The following TRAF3IP3 variants were observed in gnomAD, a reference collection of about 807,000 sequenced individuals.
TRAF3IP3 encodes TRAF3-interacting JNK-activating modulator.
Under a neutral mutation model 86.5 loss-of-function variants are expected in TRAF3IP3, and 64 were observed. That is an observed-to-expected ratio of 0.74 (90% confidence interval 0.60 to 0.91). The LOEUF (loss-of-function observed/expected upper bound fraction) is 0.91. Ranked by LOEUF, TRAF3IP3 falls within the 40% of genes least tolerant of loss-of-function variation. TRAF3IP3 has a pLI of 0.00. For synonymous variants in TRAF3IP3, 220 were observed against 243.9 expected (o/e 0.90, Z 0.91); for missense variants, 579 against 642.9 (o/e 0.90, Z 1.07).
intron 8 of TRAF3IP3, among the ~76,000 whole-genome samples, chr1:209,765,604 T>C (rs1487519317): frequency 2.6e-5 from 4 of 152,084 alleles, no homozygotes; most frequent in Admixed American, 2.6e-4. Context: ...GGGGTGGAGG[T>C]TGCAGTGAGC....
Position 209,778,091 on chromosome 1 carries a change from T to C in TRAF3IP3, c.1190-20T>C. ...AAGTCTTGGGTTCCTTTATTTTGGC[T>C]TGCATTATTGCATTTTCAGATCAAC... On this transcript the variant is annotated intron_variant, in intron 12 of 16. Coordinates refer to ENST00000367025, the MANE Select transcript of TRAF3IP3 (RefSeq NM_025228.4). The C allele has an allele frequency of 6.2e-7, 1 of 1,612,888 alleles. No individual in the cohort carries two copies. The highest frequency in any genetic ancestry group is 8.5e-7 in the Non-Finnish European group (1 of 1,179,024).
At position 209,782,130 on chromosome 1, in the gene TRAF3IP3, A is replaced by G. The variant is rs1291000324; in HGVS notation, c.1638A>G (p.Lys546=). The G allele has an allele frequency of 6.2e-7, 1 of 1,614,054 alleles. No homozygotes were observed. The highest frequency in any genetic ancestry group is 8.5e-7 in the Non-Finnish European group (1 of 1,179,888). The part of the protein sequence containing the change: ...AAALAVFLAN[K]DNLMI The stretch of plus-strand genomic sequence containing the variant: ...CACTGGCAGTGTTCCTGGCCAATAA[A>G]GACAACCTGATGATCTGAATAATTT... Residue 546 remains lysine (K), a synonymous_variant, in exon 17 of 17, where the codon AAA becomes AAG. Transcript: ENST00000367025.
chr1:209,760,500 C>A, intron 3 of TRAF3IP3, 116 bp downstream of exon 3: 1 of 890,266 alleles, frequency 1.1e-6, no homozygotes, highest in Non-Finnish European at 1.7e-6. Context: ...CTTCCTCAGT[C>A]ATATAGTAAA....
chr1:209,768,885 TG>T (rs1431164283), intron 8 of TRAF3IP3, among the ~76,000 whole-genome samples: 2 of 152,200 alleles, frequency 1.3e-5, no homozygotes, highest in African/African-American at 2.4e-5. Flanking sequence ...TATGACGTTT[TG>T]GGGAGTCCAG....
chr1:209,761,287 G>C (rs894707674), intron 3 of TRAF3IP3, among the ~76,000 whole-genome samples: 3 of 152,204 alleles, frequency 2.0e-5, no homozygotes, highest in African/African-American at 7.2e-5. Context: ...GCCTTGTGAG[G>C]TTAAAATCTT....
chr1:209,781,689 A>G, intron 16 of TRAF3IP3: 1 of 501,568 alleles, frequency 2.0e-6, no homozygotes, highest in Admixed American at 3.5e-5. Flanking sequence ...ACTTACTCTT[A>G]GCTAAAGTAT....
chr1:209,760,113 G>A lies in TRAF3IP3; in HGVS notation c.74G>A (p.Arg25His), dbSNP rs372493792. 2.5e-5 allele frequency: 40 copies of A among 1,614,128 alleles called. No homozygotes were observed. The highest frequency in any genetic ancestry group is 1.7e-4 in the African/African-American group (13 of 75,058). Reference sequence around the variant, plus strand: ...GAGAGCTATGAGGCCAAGTGTGAGCGCAGGCAAGAGATCCGTGAAAGCCGC... The same window carrying A: ...GAGAGCTATGAGGCCAAGTGTGAGCACAGGCAAGAGATCCGTGAAAGCCGC... ...WAESYEAKCE[R>H]RQEIRESRRC... is the part of the protein sequence containing the mutation. The change falls in exon 3 of 17, where the codon CGC (arginine) becomes CAC (histidine). Residue 25 changes from arginine (R) to histidine (H), a missense_variant. Coordinates refer to ENST00000367025, the MANE Select transcript of TRAF3IP3 (RefSeq NM_025228.4).
chr1:209,763,479 C>T lies in TRAF3IP3; in HGVS notation c.607-13C>T, dbSNP rs765298927. 2 of 1,613,770 alleles carry T rather than the reference C, an allele frequency of 1.2e-6. No individual in the cohort carries two copies. The highest frequency in any genetic ancestry group is 8.5e-7 in the Non-Finnish European group (1 of 1,179,674). On this transcript the variant is annotated splice_polypyrimidine_tract_variant and intron_variant, in intron 7 of 16. Coordinates refer to ENST00000367025, the MANE Select transcript of TRAF3IP3 (RefSeq NM_025228.4). ...TAATCTTACCCTCTTGCACTTTGTG[C>T]CCGCACCCCCAGGAGGCCCTACAAA...
At chr1:209,763,678 G>C in intron 8 of TRAF3IP3, 91 bp downstream of exon 8, 2 of 1,103,066 alleles carry the variant, frequency 1.8e-6, no homozygotes, top group South Asian at 2.7e-5. Context: ...TAAGAGAAGG[G>C]GTTTTCTCAC....
At chr1:209,768,832 A>G (rs948712929) in intron 8 of TRAF3IP3, among the ~76,000 whole-genome samples, 4 of 152,226 alleles carry the variant, frequency 2.6e-5, no homozygotes, top group Non-Finnish European at 1.5e-5. Flanking sequence ...GGCTCAGACC[A>G]GGAAACTACA....
At chr1:209,777,981 T>C (rs551939191) in intron 12 of TRAF3IP3, 130 bp from the exon 13 acceptor site, 157 of 802,974 alleles carry the variant, frequency 2.0e-4, no homozygotes, top group Non-Finnish European at 4.6e-5. Flanking sequence ...GACACGAAGA[T>C]AGAGCAACTT....
chr1:209,780,267 G>A, intron 14 of TRAF3IP3: 1 of 402,816 alleles, frequency 2.5e-6, no homozygotes, highest in Non-Finnish European at 4.4e-6. Flanking sequence ...TTGCCCTCAA[G>A]GAGCTCAGAT....
intron 8 of TRAF3IP3, among the ~76,000 whole-genome samples, chr1:209,771,962 T>TGCGTGTGCAGGTGGAGGTAC: frequency 7.3e-6 from 1 of 136,748 alleles, no homozygotes; most frequent in East Asian, 3.0e-4. Context: ...TGTGAAGGTG[T>TGCGTGTGCAGGTGGAGGTAC]GTGTGTGCAG....
chr1:209,762,984 G>A, intron 5 of TRAF3IP3, 84 bp from the exon 6 acceptor site: 2 of 1,591,384 alleles, frequency 1.3e-6, no homozygotes, highest in Non-Finnish European at 1.7e-6. Flanking sequence ...CCACCCTACT[G>A]GCTCTTCAGA....
intron 13 of TRAF3IP3, chr1:209,779,061 A>G (rs778758861): frequency 2.4e-5 from 13 of 546,722 alleles, no homozygotes; most frequent in African/African-American, 2.3e-4. Context: ...TAAGGACACC[A>G]GTGATATTAG....
intron 8 of TRAF3IP3, among the ~76,000 whole-genome samples, chr1:209,767,532 A>G (rs930998824): frequency 1.3e-5 from 2 of 152,144 alleles, no homozygotes; most frequent in African/African-American, 4.8e-5. Flanking sequence ...TCTATTAAAA[A>G]TAAAAAAATT....
chr1:209,768,649 G>A, intron 8 of TRAF3IP3: 4 of 985,732 alleles, frequency 4.1e-6, no homozygotes, highest in Non-Finnish European at 4.8e-6. Flanking sequence ...GAAGACCTCA[G>A]ACCGGCACCA....
At chr1:209,766,088 G>A (rs1239764590) in intron 8 of TRAF3IP3, among the ~76,000 whole-genome samples, 1 of 152,318 alleles carries the variant, frequency 6.6e-6, no homozygotes, top group East Asian at 1.9e-4. Context: ...GATGGCTTGA[G>A]CAGAGAAAGA....
rs549715021 is a variant in TRAF3IP3, at chr1:209,763,980, C to T, written c.702+393C>T. The stretch of plus-strand genomic sequence containing the variant: ...CCAGCATGCCATGTACCCACTCAGT[C>T]CGAATAAAAATATCAGAGTGGGAAG... On this transcript the variant is annotated intron_variant, in intron 8 of 16. Transcript: ENST00000367025. Among the ~76,000 whole-genome samples the T allele has an allele frequency of 8.5e-5, 13 of 152,332 alleles. No individual in the cohort carries two copies. In the South Asian group the frequency reaches 2.1e-3, roughly 24 times the overall value.
Sources: allele counts gnomAD v4.1 joint callset (sites outside exome capture counted in the v4.1 genomes callset), GRCh38; gene constraint gnomAD v4.1.1; transcripts MANE v1.5; gene names NCBI Gene and HGNC (gene_info 2026-07-23, HGNC 2026-07-21).